The following ZNF33B variants were observed in gnomAD, a reference collection of about 807,000 sequenced individuals.
ZNF33B encodes the protein zinc finger protein 33B, also known as zinc finger protein 11b (KOX 2).
A neutral mutation model predicts 45.8 loss-of-function variants in ZNF33B; 29 were observed. The observed-to-expected ratio is 0.63, with a 90% CI of 0.47 to 0.86. The LOEUF is 0.86. Among genes scored for constraint, ZNF33B ranks in the 40% least tolerant of loss-of-function variants. The probability of loss-of-function intolerance (pLI) is 0.00; values close to 1 mark genes in which losing one functional copy is unlikely to be tolerated. For missense variants in ZNF33B, 831 were observed against 909.9 expected (o/e 0.91, Z 1.12); for synonymous variants, 305 against 307.8 (o/e 0.99, Z 0.10).
chr10:42,633,770 C>G (rs1839160011), intron 2 of ZNF33B, among the ~76,000 whole-genome samples: 1 of 152,082 alleles, frequency 6.6e-6, no homozygotes, highest in Non-Finnish European at 1.5e-5. Flanking sequence ...GAGTTCGAGA[C>G]CAGCCTGACC....
At chr10:42,619,621 A>AT (rs1190654952) in intron 4 of ZNF33B, among the ~76,000 whole-genome samples, 2 of 152,190 alleles carry the variant, frequency 1.3e-5, no homozygotes, top group Admixed American at 6.5e-5. Context: ...TTGTAACTCC[A>AT]TTTTTTTACT....
Position 42,594,309 on chromosome 10 carries a change from G to A in ZNF33B, c.641C>T (p.Thr214Ile). 6.2e-7 allele frequency: 1 copy of A among 1,613,886 alleles called. No homozygotes were observed. The highest frequency in any genetic ancestry group is 8.5e-7 in the Non-Finnish European group (1 of 1,179,900). ...ACTGTATTCAAAATTGTGGTCTAAA[G>A]TTTGAATCTTCTCATGCTGCAAAGT... ...ENTLQHEKIQ[T>I]LDHNFEYSIC... The change falls in exon 5 of 5, where the codon ACT (threonine) becomes ATT (isoleucine). Residue 214 changes from threonine (T) to isoleucine (I), a missense_variant. Physicochemically the swap from Thr to Ile is moderately conservative, Grantham distance 89. Coordinates refer to ENST00000359467, the MANE Select transcript of ZNF33B (RefSeq NM_006955.3).
chr10:42,620,271 G>A (rs1395724926), intron 4 of ZNF33B, among the ~76,000 whole-genome samples: 3 of 150,610 alleles, frequency 2.0e-5, no homozygotes, highest in Admixed American at 6.7e-5. Flanking sequence ...GGGAATATGG[G>A]ACCAAAGAAG....
At chr10:42,622,892 T>C (rs1838651980) in intron 4 of ZNF33B, among the ~76,000 whole-genome samples, 1 of 152,156 alleles carries the variant, frequency 6.6e-6, no homozygotes. Context: ...TTAGAAGAAA[T>C]GTTCAGAAGA....
downstream of ZNF33B, among the ~76,000 whole-genome samples, chr10:42,586,075 CG>C (rs1836928466): frequency 1.3e-5 from 2 of 151,860 alleles, no homozygotes; most frequent in Non-Finnish European, 2.9e-5. Context: ...TTTTGCTTTA[CG>C]GTTTCTCTAG....
rs1837018013 is a variant in ZNF33B at position 42,589,522 on chromosome 10, T to C, written c.*3091A>G. On this transcript the variant is annotated 3_prime_UTR_variant, in exon 5 of 5. Coordinates refer to ENST00000359467, the MANE Select transcript of ZNF33B (RefSeq NM_006955.3). ...CGATAGTTTTGCCTCTCCCAGAATG[T>C]CATATAATTGCAATCATACAACATA... 6.6e-6 allele frequency: 1 copy of C among 152,224 alleles called. No individual in the cohort carries two copies. Among genetic ancestry groups the C allele is most frequent in the African/African-American group, 2.4e-5 (1 of 41,464 alleles). 9.4% of individuals were successfully genotyped at this position (152,224 alleles called of 1,614,324 possible). A position where few individuals can be genotyped will look rare whatever the true frequency, so the allele number is the denominator to read the frequency against.
At chr10:42,602,450 T>A (rs1814210895) in intron 4 of ZNF33B, among the ~76,000 whole-genome samples, 1 of 152,208 alleles carries the variant, frequency 6.6e-6, no homozygotes, top group Admixed American at 6.5e-5. Flanking sequence ...TCCTGGTTAG[T>A]CTCTTTGAGA....
In ZNF33B at chr10:42,591,165, A is replaced by G; in HGVS notation, c.*1448T>C. The G allele has an allele frequency of 1.8e-6, 1 of 562,660 alleles. No individual in the cohort carries two copies. The highest frequency in any genetic ancestry group is 2.3e-6 in the Non-Finnish European group (1 of 444,126). 34.9% of individuals were successfully genotyped at this position (562,660 alleles called of 1,614,324 possible). On this transcript the variant is annotated 3_prime_UTR_variant, in exon 5 of 5. Transcript: ENST00000359467. ...TATTCTCAAAAGTCTCTGAAGGCCC[A>G]GATCCCTGTCTGGGTACAATGAGCA...
intron 4 of ZNF33B, among the ~76,000 whole-genome samples, chr10:42,599,533 C>T (rs943375689): frequency 2.0e-5 from 3 of 150,948 alleles, no homozygotes; most frequent in African/African-American, 7.3e-5. Flanking sequence ...GAAATTTACA[C>T]ATTATATATT....
chr10:42,574,800 G>C (rs1176425299), intron 1 of ZNF33B: 1 of 152,046 alleles, frequency 6.6e-6, no homozygotes, highest in Non-Finnish European at 1.5e-5. Context: ...AAAAATCAAA[G>C]TTCCCCAAAA....
intron 4 of ZNF33B, 76 bp downstream of exon 4, chr10:42,631,853 G>A: frequency 7.9e-7 from 1 of 1,269,350 alleles, no homozygotes; most frequent in South Asian, 1.2e-5. Flanking sequence ...ATGTTCCAAA[G>A]TTGCCAAACC....
At chr10:42,575,932 C>T (rs1836743297) in intron 1 of ZNF33B, among the ~76,000 whole-genome samples, 1 of 147,622 alleles carries the variant, frequency 6.8e-6, no homozygotes, top group Non-Finnish European at 1.5e-5. Flanking sequence ...CGCTCTTGTC[C>T]CCCAGACTGG....
At chr10:42,625,051 T>C (rs1031980721) in intron 4 of ZNF33B, among the ~76,000 whole-genome samples, 40 of 150,740 alleles carry the variant, frequency 2.7e-4, no homozygotes, top group African/African-American at 9.5e-4. Flanking sequence ...TATATATATA[T>C]ATATATATAT....
chr10:42,586,646 T>C (rs1836942259), downstream of ZNF33B, among the ~76,000 whole-genome samples: 1 of 152,202 alleles, frequency 6.6e-6, no homozygotes. Context: ...CACACAGTCA[T>C]AATAGTCTCA....
chr10:42,581,011 T>G (rs374361645), intron 1 of ZNF33B, among the ~76,000 whole-genome samples: 3 of 152,236 alleles, frequency 2.0e-5, no homozygotes, highest in East Asian at 3.9e-4. Flanking sequence ...TGTCAACAAC[T>G]AAGTAAAAGG....
chr10:42,633,085 AAATT>A (rs1484672463), intron 2 of ZNF33B, among the ~76,000 whole-genome samples: 2 of 152,242 alleles, frequency 1.3e-5, no homozygotes, highest in Non-Finnish European at 2.9e-5. Context: ...TCACAGAAAT[AAATT>A]GTCAGTACAT....
At chr10:42,624,521 T>G (rs1838719592) in intron 4 of ZNF33B, among the ~76,000 whole-genome samples, 1 of 152,136 alleles carries the variant, frequency 6.6e-6, no homozygotes, top group African/African-American at 2.4e-5. Context: ...TAAATACTGT[T>G]TTTTCCTAAA....
chr10:42,589,045 TTCAG>T (rs917226719), downstream of ZNF33B: 1 of 261,766 alleles, frequency 3.8e-6, no homozygotes, highest in Non-Finnish European at 5.9e-6. Context: ...GATTTACAGG[TTCAG>T]TCAGAAACAC....
At chr10:42,625,038 T>TATA (rs1564523370) in intron 4 of ZNF33B, among the ~76,000 whole-genome samples, 457 of 145,562 alleles carry the variant, frequency 3.1e-3, no homozygotes, top group Middle Eastern at 0.014. Context: ...GTTTCATATT[T>TATA]TATATATATA....
Sources: gnomAD v4.1 joint callset for allele counts (sites outside exome capture counted in the v4.1 genomes callset) on GRCh38, gnomAD v4.1.1 for gene constraint, MANE v1.5 for transcripts, NCBI Gene and HGNC (gene_info 2026-07-23, HGNC 2026-07-21) for gene names.